RAI14: variants seen among roughly 807,000 people sequenced by gnomAD.
The protein encoded by RAI14 is retinoic acid induced 14, also known as ankycorbin.
RAI14 carries 45 observed loss-of-function variants against 115.4 expected under a neutral mutation model. The observed-to-expected ratio is 0.39, with a 90% confidence interval of 0.31 to 0.50. The LOEUF is 0.50. Ranked by LOEUF, RAI14 falls within the 20% of genes least tolerant of loss-of-function variation. The probability of loss-of-function intolerance (pLI) is 0.85; values close to 1 mark genes in which losing one functional copy is unlikely to be tolerated. For synonymous variants in RAI14, 371 were observed against 415.4 expected, an observed-to-expected ratio of 0.89 and a Z score of 1.30; for missense variants, 939 against 1,131.2, an observed-to-expected ratio of 0.83 and a Z score of 2.44.
Position 34,763,730 on chromosome 5 carries a change from C to T in RAI14, c.167+6132C>T, listed in dbSNP as rs191798674. Among the ~76,000 whole-genome samples the T allele has an allele frequency of 3.0e-3, 464 of 152,292 alleles. 4 individuals are homozygous for T. Among genetic ancestry groups the T allele is most frequent in the African/African-American group, 0.011 (443 of 41,556 alleles). ...ACACTGGAGATGCTAAGAAATGCTT[C>T]CTGCCTGAAGTGTGATATGAGGTCG... On this transcript the variant is annotated intron_variant, in intron 3 of 17. Coordinates refer to ENST00000265109, the MANE Select transcript of RAI14 (RefSeq NM_015577.3).
At chr5:34,715,969 C>T (rs1292074596) in intron 2 of RAI14, 11 of 338,020 alleles carry the variant, frequency 3.3e-5, no homozygotes, top group African/African-American at 1.8e-4. Flanking sequence ...AAAAGCATTT[C>T]CTGGCAGGAA....
At chr5:34,691,926 C>G (rs1303616039) in intron 2 of RAI14, among the ~76,000 whole-genome samples, 1 of 152,160 alleles carries the variant, frequency 6.6e-6, no homozygotes, top group Non-Finnish European at 1.5e-5. Context: ...AAGAACCAGG[C>G]ATATCCTGCT....
intron 2 of RAI14, among the ~76,000 whole-genome samples, chr5:34,751,823 A>G (rs1165374522): frequency 6.6e-6 from 1 of 152,248 alleles, no homozygotes; most frequent in Non-Finnish European, 1.5e-5. Context: ...TTCTACAAGA[A>G]AATAGTGAAG....
chr5:34,671,101 G>A (rs1187242497), intron 1 of RAI14, among the ~76,000 whole-genome samples: 2 of 152,206 alleles, frequency 1.3e-5, no homozygotes, highest in East Asian at 1.9e-4. Context: ...TGTACAGCAA[G>A]TAAAAGCTAT....
chr5:34,799,481 AACACACACACAG>A (rs1753926270), intron 4 of RAI14, among the ~76,000 whole-genome samples: 1 of 116,434 alleles, frequency 8.6e-6, no homozygotes, highest in African/African-American at 3.0e-5. Flanking sequence ...AAAAAAACAA[AACACACACACAG>A]ACACACACAC....
At chr5:34,768,146 A>C (rs1749662219) in intron 3 of RAI14, among the ~76,000 whole-genome samples, 1 of 149,682 alleles carries the variant, frequency 6.7e-6, no homozygotes, top group South Asian at 2.2e-4. Flanking sequence ...GCACAAGACC[A>C]TGGGAGCCTA....
chr5:34,683,348 C>T (rs1302390659), intron 1 of RAI14, among the ~76,000 whole-genome samples: 1 of 152,104 alleles, frequency 6.6e-6, no homozygotes, highest in Admixed American at 6.5e-5. Flanking sequence ...GGCGGTTAAT[C>T]CCTTCCCTTG....
Position 34,830,701 on chromosome 5 carries a change from A to C in RAI14, c.2879A>C (p.Glu960Ala), listed in dbSNP as rs745388537. The C allele has an allele frequency of 6.2e-7, 1 of 1,614,154 alleles. No individual in the cohort carries two copies. The highest frequency in any genetic ancestry group is 8.5e-7 in the Non-Finnish European group (1 of 1,180,002). ...LLYAVQGQMD[E>A]DVQKVLKQIL... is the part of the protein sequence containing the mutation. ...TGAATATCCTAGGGCCAGATGGATGAAGATGTCCAGAAAGTACTGAAGCAA... is the reference window on the plus strand; with the variant it reads ...TGAATATCCTAGGGCCAGATGGATGCAGATGTCCAGAAAGTACTGAAGCAA... The change falls in exon 18 of 18, where the codon GAA (glutamate) becomes GCA (alanine). Residue 960 changes from glutamate to alanine, a missense_variant. Physicochemically the swap from Glu to Ala is moderately radical, Grantham distance 107. Transcript: ENST00000265109.
chr5:34,761,744 T>C (rs994789820), intron 3 of RAI14, among the ~76,000 whole-genome samples: 1 of 152,214 alleles, frequency 6.6e-6, no homozygotes, highest in Non-Finnish European at 1.5e-5. Context: ...TTGACTTTTC[T>C]TCTCTTTGAA....
intron 4 of RAI14, among the ~76,000 whole-genome samples, chr5:34,799,545 C>T (rs1435194540): frequency 1.4e-5 from 2 of 146,280 alleles, no homozygotes; most frequent in Non-Finnish European, 3.0e-5. Flanking sequence ...CACACAAAAC[C>T]ACCTTTCAAA....
chr5:34,813,081 GT>G (rs1166763443), intron 10 of RAI14, among the ~76,000 whole-genome samples: 1 of 151,954 alleles, frequency 6.6e-6, no homozygotes, highest in Non-Finnish European at 1.5e-5. Context: ...ACACATCTAC[GT>G]TCTTGAAGAA....
intron 4 of RAI14, among the ~76,000 whole-genome samples, chr5:34,796,476 G>T (rs1295897407): frequency 6.6e-6 from 1 of 151,830 alleles, no homozygotes; most frequent in Non-Finnish European, 1.5e-5. Flanking sequence ...CCAATAGCAA[G>T]ACTCTGACAT....
chr5:34,780,251 A>G (rs916236724), intron 3 of RAI14, among the ~76,000 whole-genome samples: 25 of 152,358 alleles, frequency 1.6e-4, no homozygotes, highest in Middle Eastern at 6.8e-3. Context: ...TAAATGTTAG[A>G]CCTAAAACCA....
intron 2 of RAI14, among the ~76,000 whole-genome samples, chr5:34,691,848 C>T (rs1277443458): frequency 6.6e-6 from 1 of 152,130 alleles, no homozygotes; most frequent in East Asian, 1.9e-4. Context: ...TGATGGTATA[C>T]CTTTACATAG....
In RAI14 at chr5:34,824,458, C is replaced by G. The variant is rs1757233802; in HGVS notation, c.2616C>G (p.Ser872Arg). ...ELAEMKRYAE[S>R]SSKLEEDKDK... ...CAGAAATGAAAAGATACGCTGAGAG[C>G]TCTTCAAAACTGGAGGAAGATAAAG... The change falls in exon 15 of 18, where the codon AGC becomes AGG. Residue 872 changes from serine (S) to arginine (R), a missense_variant. By Grantham distance (110) the Ser-to-Arg change is moderately radical. Transcript: ENST00000265109. The G allele has an allele frequency of 6.3e-7, 1 of 1,584,318 alleles. No individual in the cohort carries two copies. Among genetic ancestry groups the G allele is most frequent in the Non-Finnish European group, 8.6e-7 (1 of 1,164,838 alleles).
intron 2 of RAI14, among the ~76,000 whole-genome samples, chr5:34,713,525 C>G (rs1330814082): frequency 6.6e-6 from 1 of 152,066 alleles, no homozygotes; most frequent in Non-Finnish European, 1.5e-5. Flanking sequence ...AAAGGAAGAC[C>G]CTTATCCTTC....
chr5:34,758,963 C>T (rs977072960), intron 3 of RAI14, among the ~76,000 whole-genome samples: 2 of 152,140 alleles, frequency 1.3e-5, no homozygotes, highest in African/African-American at 4.8e-5. Context: ...TCTCCTCTCC[C>T]TCAAAGGTTG....
chr5:34,736,889 C>T (rs1744945575), intron 2 of RAI14, among the ~76,000 whole-genome samples: 1 of 152,220 alleles, frequency 6.6e-6, no homozygotes, highest in East Asian at 1.9e-4. Flanking sequence ...CCCTGGGCCA[C>T]AGACTGGTAT....
At chr5:34,682,566 G>A (rs1744468024) in intron 1 of RAI14, among the ~76,000 whole-genome samples, 1 of 152,136 alleles carries the variant, frequency 6.6e-6, no homozygotes, top group African/African-American at 2.4e-5. Context: ...AAACAAGCAT[G>A]TACATCTCTG....
Sources: allele counts gnomAD v4.1 joint callset (sites outside exome capture counted in the v4.1 genomes callset), GRCh38; gene constraint gnomAD v4.1.1; transcripts MANE v1.5; gene names NCBI Gene and HGNC (gene_info 2026-07-23, HGNC 2026-07-21).